CSF1: variants seen among roughly 807,000 people sequenced by gnomAD.
CSF1 encodes macrophage colony-stimulating factor 1.
Under a neutral mutation model 48.9 loss-of-function variants are expected in CSF1, and 9 were observed. The ratio of observed to expected loss-of-function variants is 0.18; its 90% CI spans 0.11 to 0.32. CSF1 has a LOEUF of 0.32. Among genes scored for constraint, CSF1 ranks in the 10% least tolerant of loss-of-function variants. The pLI, the probability that CSF1 is intolerant of heterozygous loss-of-function variation, is 1.00. For missense variants in CSF1, 672 were observed against 697.9 expected, an observed-to-expected ratio of 0.96 and a Z score of 0.42; for synonymous variants, 305 against 284.1, an observed-to-expected ratio of 1.07 and a Z score of -0.74.
chr1:109,925,009 C>T (rs543641968), intron 7 of CSF1, 138 bp from the exon 8 acceptor site: 55 of 1,049,604 alleles, frequency 5.2e-5, no homozygotes, highest in East Asian at 9.5e-5. Flanking sequence ...CTGATTTCTC[C>T]GTAGAGTTAG....
rs370727907 is a variant in CSF1, at chr1:109,924,262, G to T, written c.1569+72G>T. 6.6e-5 allele frequency: 92 copies of T among 1,387,780 alleles called. No individual in the cohort carries two copies. The Middle Eastern group carries it at 7.5e-4, about 11-fold the overall frequency. 86.0% of individuals were successfully genotyped at this position (1,387,780 alleles called of 1,614,324 possible). On this transcript the variant is annotated intron_variant, in intron 6 of 8. Coordinates refer to ENST00000329608, the MANE Select transcript of CSF1 (RefSeq NM_000757.6). ...GGCAGAGCCTGGCGGGGGTGCAGGT[G>T]GGGGGACAGCTTGGGTGCGGCCTGA... is the stretch of plus-strand genomic sequence containing the variant.
chr1:109,911,541 A>G (rs1373054725), intron 1 of CSF1, among the ~76,000 whole-genome samples: 1 of 152,104 alleles, frequency 6.6e-6, no homozygotes, highest in Non-Finnish European at 1.5e-5. Context: ...ACCAGCTTAT[A>G]GAACGCCAGG....
rs1369482052 is a variant in CSF1 at position 109,930,245 on chromosome 1, C to T, written c.*1407C>T. 1 of 152,376 alleles carries T rather than the reference C, an allele frequency of 6.6e-6. No individual in the cohort carries two copies. Among genetic ancestry groups the T allele is most frequent in the Non-Finnish European group, 1.5e-5 (1 of 68,152 alleles). 9.4% of individuals were successfully genotyped at this position (152,376 alleles called of 1,614,324 possible). On this transcript the variant is annotated 3_prime_UTR_variant, in exon 9 of 9. Coordinates refer to ENST00000329608, the MANE Select transcript of CSF1 (RefSeq NM_000757.6). Reference sequence around the variant, plus strand: ...ATGACCTCCAACTCTCACCCACCCCCTCTACCATCACCTCTAACCAGGCAA... The same window carrying T: ...ATGACCTCCAACTCTCACCCACCCCTTCTACCATCACCTCTAACCAGGCAA...
chr1:109,924,743 G>C, intron 6 of CSF1, 33 bp from the exon 7 acceptor site: 3 of 1,558,738 alleles, frequency 1.9e-6, no homozygotes, highest in Non-Finnish European at 2.6e-6. Context: ...CACTCCCCCA[G>C]CTCCTCAGTG....
chr1:109,924,027 C>A lies in CSF1; in HGVS notation c.1406C>A (p.Pro469His), dbSNP rs1308932906. The A allele has an allele frequency of 3.2e-5, 52 of 1,614,104 alleles. No homozygotes were observed. Among genetic ancestry groups the A allele is most frequent in the Non-Finnish European group, 4.1e-5 (48 of 1,180,046 alleles). ...PASEGAARPLPRFNSVPLTDT... is the reference protein window; with the variant it reads ...PASEGAARPLHRFNSVPLTDT... ...AGTGAAGGGGCAGCCAGGCCCCTGCCCCGTTTTAACTCCGTTCCTTTGACT... is the reference window on the plus strand; with the variant it reads ...AGTGAAGGGGCAGCCAGGCCCCTGCACCGTTTTAACTCCGTTCCTTTGACT... The change falls in exon 6 of 9, where the codon CCC becomes CAC. Residue 469 changes from proline to histidine, a missense_variant. Pro to His is a moderately conservative substitution (Grantham distance 77). Coordinates refer to ENST00000329608, the MANE Select transcript of CSF1 (RefSeq NM_000757.6).
At chr1:109,922,340 G>C in intron 5 of CSF1, 1 of 208,796 alleles carries the variant, frequency 4.8e-6, no homozygotes, top group Non-Finnish European at 9.5e-6. Flanking sequence ...CTGCAGGCTG[G>C]CTGAACGTGT....
Position 109,924,708 on chromosome 1 carries a change from C to A in CSF1, c.1570-68C>A, listed in dbSNP as rs1647756496. 9 of 1,411,632 alleles carry A rather than the reference C, an allele frequency of 6.4e-6. No homozygotes were observed. In the South Asian group the frequency reaches 7.4e-5, roughly 12 times the overall value. The allele number at this position is 1,411,632 out of a possible 1,614,324, so 87.4% of individuals were successfully genotyped here. On this transcript the variant is annotated intron_variant, in intron 6 of 8. Coordinates refer to ENST00000329608, the MANE Select transcript of CSF1 (RefSeq NM_000757.6). The stretch of plus-strand genomic sequence containing the variant: ...TCATAAATACCTGGGGCAGCCCTTA[C>A]TGGGGATGGGCCACCGCCCCCCCAC...
intron 4 of CSF1, among the ~76,000 whole-genome samples, chr1:109,919,404 T>C (rs77084582): frequency 6.6e-6 from 1 of 152,106 alleles, no homozygotes; most frequent in African/African-American, 2.4e-5. Flanking sequence ...TGCCCAGCTA[T>C]TTTTTGTAGA....
In CSF1 at chr1:109,911,078, G is replaced by T; in HGVS notation, c.39+16G>T. 1 of 1,064,704 alleles carries T rather than the reference G, an allele frequency of 9.4e-7. No homozygotes were observed. Among genetic ancestry groups the T allele is most frequent in the South Asian group, 4.3e-5 (1 of 23,478 alleles). The allele number at this position is 1,064,704 out of a possible 1,614,324, so 66.0% of individuals were successfully genotyped here. A position where few individuals can be genotyped will look rare whatever the true frequency, so the allele number is the denominator to read the frequency against. ...CCCTCCCACGGTAAGCGACGGCCGC[G>T]GCGCTGGGCCCGGGACGGGCTGGGG... On this transcript the variant is annotated intron_variant, in intron 1 of 8. Transcript: ENST00000329608.
At chr1:109,922,033 A>G (rs767556584) in intron 5 of CSF1, 39 bp downstream of exon 5, 1 of 1,547,678 alleles carries the variant, frequency 6.5e-7, no homozygotes, top group Non-Finnish European at 8.8e-7. Flanking sequence ...TGGGGGTGGT[A>G]GCATATGGAA....
At chr1:109,924,682 C>G in intron 6 of CSF1, 94 bp from the exon 7 acceptor site, 2 of 1,147,820 alleles carry the variant, frequency 1.7e-6, no homozygotes, top group South Asian at 1.4e-5. Context: ...TTGCAACTCT[C>G]TCATAAATAC....
In CSF1 at chr1:109,924,051, C is replaced by G; in HGVS notation, c.1430C>G (p.Thr477Ser). ...CCCCGTTTTAACTCCGTTCCTTTGA[C>G]TGACACAGGCCATGAGAGGCAGTCC... Reference protein sequence around the residue: ...PLPRFNSVPLTDTGHERQSEG... With the variant: ...PLPRFNSVPLSDTGHERQSEG... The change falls in exon 6 of 9, where the codon ACT (threonine) becomes AGT (serine). Residue 477 changes from threonine (T) to serine (S), a missense_variant. Thr to Ser is a moderately conservative substitution (Grantham distance 58). Around this residue, in one of 3 missense-constraint regions of CSF1, gnomAD observed 591 missense variants for 593.6 expected, o/e 1.00. Coordinates refer to ENST00000329608, the MANE Select transcript of CSF1 (RefSeq NM_000757.6). The G allele has an allele frequency of 3.1e-6, 5 of 1,614,242 alleles. No homozygotes were observed. Among genetic ancestry groups the G allele is most frequent in the Non-Finnish European group, 4.2e-6 (5 of 1,180,040 alleles).
chr1:109,924,261 TG>T, intron 6 of CSF1, 71 bp downstream of exon 6: 6 of 1,383,846 alleles, frequency 4.3e-6, no homozygotes, highest in Non-Finnish European at 5.8e-6. Context: ...GGGGTGCAGG[TG>T]GGGGGACAGC....
At chr1:109,917,229 C>T (rs1647260655) in intron 3 of CSF1, 64 bp from the exon 4 acceptor site, 1 of 1,556,536 alleles carries the variant, frequency 6.4e-7, no homozygotes, top group South Asian at 1.2e-5. Context: ...CCTCCATCTG[C>T]CTGGGGTTGG....
In CSF1 at chr1:109,924,739, C is replaced by T. The variant is rs769372331; in HGVS notation, c.1570-37C>T. ...ATGGGCCACCGCCCCCCCACACTCC[C>T]CCAGCTCCTCAGTGAGATGCTCTTT... On this transcript the variant is annotated intron_variant, in intron 6 of 8. Transcript: ENST00000329608. 41 of 1,556,492 alleles carry T rather than the reference C, an allele frequency of 2.6e-5. No homozygotes were observed. In the African/African-American group the frequency reaches 5.3e-4, roughly 20 times the overall value.
chr1:109,925,702 A>G (rs996527146), intron 8 of CSF1, among the ~76,000 whole-genome samples: 5 of 152,068 alleles, frequency 3.3e-5, no homozygotes, highest in Non-Finnish European at 5.9e-5. Flanking sequence ...GATCATGTTG[A>G]CATAGAACCT....
At chr1:109,926,141 A>G (rs1183091063) in intron 8 of CSF1, 1 of 152,264 alleles carries the variant, frequency 6.6e-6, no homozygotes, top group Admixed American at 6.5e-5. Flanking sequence ...ACAGTACTCC[A>G]GATGTTGTCT....
chr1:109,915,827 G>C (rs1011881532), intron 3 of CSF1, 131 bp downstream of exon 3: 5 of 770,406 alleles, frequency 6.5e-6, no homozygotes, highest in South Asian at 3.1e-5. Context: ...ATCCATGGGT[G>C]CTCAACTCTG....
At chr1:109,915,740 C>T in intron 3 of CSF1, 44 bp downstream of exon 3, 1 of 1,494,290 alleles carries the variant, frequency 6.7e-7, no homozygotes, top group Non-Finnish European at 9.3e-7. Context: ...AGCCTGCATG[C>T]AACTCCCAGG....
Sources: allele counts gnomAD v4.1 joint callset (sites outside exome capture counted in the v4.1 genomes callset), GRCh38; gene constraint gnomAD v4.1.1; regional missense constraint gnomAD v4.1.1; transcripts MANE v1.5; gene names NCBI Gene and HGNC (gene_info 2026-07-23, HGNC 2026-07-21).